The following SLC22A23 variants were observed in gnomAD, a reference collection of about 807,000 sequenced individuals.
SLC22A23 encodes the protein ion transporter protein.
In SLC22A23, 26 loss-of-function variants were observed where a neutral mutation model predicts 61.0. The ratio of observed to expected loss-of-function variants is 0.43; its 90% CI spans 0.31 to 0.59. The LOEUF (loss-of-function observed/expected upper bound fraction) is 0.59. Ranked by LOEUF, SLC22A23 falls within the 20% of genes least tolerant of loss-of-function variation. The probability of loss-of-function intolerance (pLI) is 0.11; values close to 1 mark genes in which losing one functional copy is unlikely to be tolerated. For missense variants in SLC22A23, 796 were observed against 934.7 expected (o/e 0.85, Z 1.94); for synonymous variants, 430 against 413.9 (o/e 1.04, Z -0.47).
Position 3,327,149 on chromosome 6 carries a change from C to T in SLC22A23, c.914-3147G>A, listed in dbSNP as rs1253697322. 2.6e-5 allele frequency among the ~76,000 whole-genome samples: 4 copies of T among 152,198 alleles called. No homozygotes were observed. In the East Asian group the frequency reaches 7.7e-4, roughly 29 times the overall value. ...GCAGAAGCATTTGGTGCAGCAGCTCCCACACCTTGAAGATGGTTCCAGTCG... is the reference window on the plus strand; with the variant it reads ...GCAGAAGCATTTGGTGCAGCAGCTCTCACACCTTGAAGATGGTTCCAGTCG... On this transcript the variant is annotated intron_variant, in intron 3 of 9. Transcript: ENST00000406686. The surrounding 1 kb of genome is among the most constrained non-coding windows in gnomAD (Gnocchi z 4.1).
At chr6:3,401,100 G>A (rs1025281101) in intron 3 of SLC22A23, among the ~76,000 whole-genome samples, 6 of 152,214 alleles carry the variant, frequency 3.9e-5, no homozygotes, top group African/African-American at 1.2e-4. Flanking sequence ...CCAGCACTTC[G>A]GGAGGCCGAG....
chr6:3,390,216 G>T lies in SLC22A23; in HGVS notation c.913+19972C>A, dbSNP rs562724701. On this transcript the variant is annotated intron_variant, in intron 3 of 9. Coordinates refer to ENST00000406686, the MANE Select transcript of SLC22A23 (RefSeq NM_015482.2). This position sits in a 1 kb window ranked among gnomAD's most constrained non-coding sequence, Gnocchi z 4.0. Reference sequence around the variant, plus strand: ...AAACTTCACATCCAATGACACCGAGGAGGAAAGGTACCGAAGAAAGAAAGC... The same window carrying T: ...AAACTTCACATCCAATGACACCGAGTAGGAAAGGTACCGAAGAAAGAAAGC... Among the ~76,000 whole-genome samples the T allele has an allele frequency of 3.0e-4, 46 of 152,314 alleles. 1 individual carries two copies. In the South Asian group the frequency reaches 9.3e-3, roughly 31 times the overall value.
At chr6:3,383,149 A>T (rs985702006) in intron 3 of SLC22A23, among the ~76,000 whole-genome samples, 1 of 152,150 alleles carries the variant, frequency 6.6e-6, no homozygotes, top group African/African-American at 2.4e-5. Flanking sequence ...CAAATGATAA[A>T]GCTATAAAGA....
At chr6:3,284,466 G>A (rs963943908) in intron 8 of SLC22A23, among the ~76,000 whole-genome samples, 3 of 152,206 alleles carry the variant, frequency 2.0e-5, no homozygotes, top group South Asian at 2.1e-4. Flanking sequence ...ACCGGAGACC[G>A]ACCTCGCGCC....
chr6:3,393,344 T>G lies in SLC22A23; in HGVS notation c.913+16844A>C, dbSNP rs1460363324. Among the ~76,000 whole-genome samples the G allele has an allele frequency of 2.0e-5, 3 of 152,296 alleles. No individual in the cohort carries two copies. The East Asian group carries it at 5.8e-4, about 29-fold the overall frequency. Reference sequence around the variant, plus strand: ...TGCTGCCTGAACTGGGCCCATCCAATATAATAGCCACGAGCCATACGTGGT... The same window carrying G: ...TGCTGCCTGAACTGGGCCCATCCAAGATAATAGCCACGAGCCATACGTGGT... On this transcript the variant is annotated intron_variant, in intron 3 of 9. Coordinates refer to ENST00000406686, the MANE Select transcript of SLC22A23 (RefSeq NM_015482.2).
chr6:3,444,735 A>G, intron 1 of SLC22A23: 11 of 935,066 alleles, frequency 1.2e-5, no homozygotes, highest in Non-Finnish European at 1.4e-5. Context: ...GTTGGAACTT[A>G]GACACATAAA....
chr6:3,280,346 C>T (rs1244719968), intron 9 of SLC22A23, among the ~76,000 whole-genome samples: 8 of 152,132 alleles, frequency 5.3e-5, no homozygotes, highest in Admixed American at 1.3e-4. Context: ...TCCCAGGCTC[C>T]GGGCCATATC....
At chr6:3,289,582 G>A (rs1215369656) in intron 6 of SLC22A23, among the ~76,000 whole-genome samples, 182 bp downstream of exon 6, 11 of 152,230 alleles carry the variant, frequency 7.2e-5, no homozygotes, top group South Asian at 2.1e-4. Flanking sequence ...GGGGGGCACC[G>A]GCTGCTTGAG....
At chr6:3,285,198 C>G in intron 7 of SLC22A23, 87 bp from the exon 8 acceptor site, 1 of 1,564,510 alleles carries the variant, frequency 6.4e-7, no homozygotes. Context: ...GTGGAGTTAG[C>G]CTAGCGTGTT....
At chr6:3,381,118 C>G (rs1221416290) in intron 3 of SLC22A23, among the ~76,000 whole-genome samples, 1 of 152,232 alleles carries the variant, frequency 6.6e-6, no homozygotes, top group Non-Finnish European at 1.5e-5. Flanking sequence ...GCTGATGTCT[C>G]TAGGCCACTT....
chr6:3,379,545 TAGAC>T (rs1202759143), intron 3 of SLC22A23, among the ~76,000 whole-genome samples: 7 of 152,090 alleles, frequency 4.6e-5, no homozygotes, highest in African/African-American at 1.7e-4. Flanking sequence ...GAGAGAAGGA[TAGAC>T]AGCGTTTTCC....
intron 3 of SLC22A23, among the ~76,000 whole-genome samples, chr6:3,368,555 A>G (rs1046115441): frequency 2.6e-5 from 4 of 152,220 alleles, no homozygotes; most frequent in African/African-American, 7.2e-5. Context: ...AATTGGCCAC[A>G]TTTCAACATA....
chr6:3,435,427 A>C (rs1176396254), intron 1 of SLC22A23, among the ~76,000 whole-genome samples: 2 of 137,960 alleles, frequency 1.4e-5, no homozygotes, highest in African/African-American at 2.8e-5. Context: ...GGGGACCCAC[A>C]CTCCCACCCC....
At position 3,401,864 on chromosome 6, in the gene SLC22A23, CT is replaced by C. The variant is rs1393492040; in HGVS notation, c.913+8323del. Among the ~76,000 whole-genome samples the C allele has an allele frequency of 5.3e-5, 8 of 152,324 alleles. No homozygotes were observed. In the Middle Eastern group the frequency reaches 0.017, roughly 324 times the overall value. On this transcript the variant is annotated intron_variant, in intron 3 of 9. Transcript: ENST00000406686. The stretch of plus-strand genomic sequence containing the variant: ...CCTGAACTTCTGAATAACAAATCTC[CT>C]GGCAAATCAATCCTCTCAGATGCCC...
At chr6:3,402,555 C>A (rs1338564642) in intron 3 of SLC22A23, among the ~76,000 whole-genome samples, 1 of 151,966 alleles carries the variant, frequency 6.6e-6, no homozygotes, top group Non-Finnish European at 1.5e-5. Flanking sequence ...CAGCCCACTC[C>A]AATCATCCAC....
intron 4 of SLC22A23, among the ~76,000 whole-genome samples, chr6:3,306,618 G>A (rs911944909): frequency 5.9e-5 from 9 of 152,178 alleles, no homozygotes; most frequent in Admixed American, 5.9e-4. Context: ...ACCTAAAGGA[G>A]CCCAGCCTTC....
At position 3,356,198 on chromosome 6, in the gene SLC22A23, C is replaced by T. The variant is rs535370182; in HGVS notation, c.914-32196G>A. Reference sequence around the variant, plus strand: ...TGACATCAGAAACATCTCATAATCACGAAAGAAATCGAAGCACGCGTGCTC... The same window carrying T: ...TGACATCAGAAACATCTCATAATCATGAAAGAAATCGAAGCACGCGTGCTC... On this transcript the variant is annotated intron_variant, in intron 3 of 9. Transcript: ENST00000406686. Among the ~76,000 whole-genome samples the T allele has an allele frequency of 3.0e-4, 39 of 132,094 alleles. No homozygotes were observed. In the East Asian group the frequency reaches 6.8e-3, roughly 23 times the overall value. 86.7% of individuals were successfully genotyped at this position (132,094 alleles called of 152,430 possible). A position where few individuals can be genotyped will look rare whatever the true frequency, so the allele number is the denominator to read the frequency against.
chr6:3,353,187 T>C (rs1764879034), intron 3 of SLC22A23, among the ~76,000 whole-genome samples: 1 of 152,214 alleles, frequency 6.6e-6, no homozygotes, highest in African/African-American at 2.4e-5. Flanking sequence ...CTTGGAGATT[T>C]TGAAGGCAAG....
chr6:3,415,698 C>A, intron 2 of SLC22A23, 54 bp downstream of exon 2: 11 of 1,264,500 alleles, frequency 8.7e-6, no homozygotes, highest in Non-Finnish European at 1.2e-5. Context: ...CTTTAGCCAG[C>A]AAAGGCGTGC....
Sources: allele counts gnomAD v4.1 joint callset (sites outside exome capture counted in the v4.1 genomes callset), GRCh38; gene constraint gnomAD v4.1.1; non-coding constraint Gnocchi (gnomAD v3.1); transcripts MANE v1.5; gene names NCBI Gene and HGNC (gene_info 2026-07-23, HGNC 2026-07-21).